The following PILRB variants were observed in gnomAD, a reference collection of about 807,000 sequenced individuals.
PILRB encodes the protein paired immunoglobin like type 2 receptor beta.
PILRB carries 21 observed loss-of-function variants against 20.5 expected under a neutral mutation model. The ratio of observed to expected loss-of-function variants is 1.02; its 90% CI spans 0.72 to 1.47. PILRB has a LOEUF of 1.47. PILRB is among the 40% of genes most tolerant of loss of function. The probability of loss-of-function intolerance (pLI) is 0.00; values close to 1 mark genes in which losing one functional copy is unlikely to be tolerated. For synonymous variants in PILRB, 133 were observed against 115.1 expected, an observed-to-expected ratio of 1.16 and a Z score of -0.99; for missense variants, 253 against 272.1, an observed-to-expected ratio of 0.93 and a Z score of 0.49.
At chr7:100,360,923 G>A (rs1790506936) in intron 3 of PILRB, among the ~76,000 whole-genome samples, 1 of 151,824 alleles carries the variant, frequency 6.6e-6, no homozygotes, top group African/African-American at 2.4e-5. Context: ...TTCGGAATTT[G>A]TTTTTTTGTT....
chr7:100,359,383 A>AGCCG lies in PILRB; in HGVS notation c.505_508dup (p.Leu170ArgfsTer52). The stretch of plus-strand genomic sequence containing the variant: ...GGAGGCCCAGCAGCACAACCACCAT[A>AGCCG]GCCGGCCTCAGGGTCACAGAAAGCA... On this transcript the variant is annotated frameshift_variant, in exon 3 of 4. Transcript: ENST00000609309. LOFTEE classifies it high-confidence loss of function. The AGCCG allele has an allele frequency of 6.2e-7, 1 of 1,614,092 alleles. No homozygotes were observed. The highest frequency in any genetic ancestry group is 8.5e-7 in the Non-Finnish European group (1 of 1,180,000).
At chr7:100,366,776 G>A (rs1790701729) in intron 3 of PILRB, among the ~76,000 whole-genome samples, 1 of 152,120 alleles carries the variant, frequency 6.6e-6, no homozygotes, top group African/African-American at 2.4e-5. Context: ...AGAGATGGGT[G>A]GGCGAGGGCT....
At chr7:100,359,247 G>A (rs1007967446) in intron 2 of PILRB, 90 bp from the exon 3 acceptor site, 15 of 1,523,264 alleles carry the variant, frequency 9.8e-6, no homozygotes, top group African/African-American at 6.9e-5. Flanking sequence ...CATCCTGAAT[G>A]TCCCCAATCT....
chr7:100,363,090 T>G (rs369848588), intron 3 of PILRB, among the ~76,000 whole-genome samples: 1 of 150,670 alleles, frequency 6.6e-6, no homozygotes, highest in Admixed American at 6.6e-5. Flanking sequence ...GGCTATGAGT[T>G]TGAGACCACC....
Position 100,358,850 on chromosome 7 carries a change from C to G in PILRB, c.225C>G (p.His75Gln). 6.2e-7 allele frequency: 1 copy of G among 1,614,188 alleles called. No homozygotes were observed. The highest frequency in any genetic ancestry group is 8.5e-7 in the Non-Finnish European group (1 of 1,180,032). The change falls in exon 2 of 4, where the codon CAC (histidine) becomes CAG (glutamine). Residue 75 changes from histidine to glutamine, a missense_variant. Coordinates refer to ENST00000609309, the MANE Select transcript of PILRB (RefSeq NM_178238.4). ...PNVRISWRRG[H>Q]FHGQSFYSTR... ...TGAGAATATCCTGGAGACGGGGCCA[C>G]TTCCACGGGCAGTCCTTCTACAGCA...
intron 3 of PILRB, among the ~76,000 whole-genome samples, chr7:100,361,537 C>T (rs1265549741): frequency 2.6e-5 from 4 of 151,994 alleles, no homozygotes; most frequent in African/African-American, 9.7e-5. Flanking sequence ...ATTAAAAACA[C>T]AAAAAATTAG....
chr7:100,367,814 C>T lies in PILRB; in HGVS notation c.*437C>T, dbSNP rs187241403. Reference sequence around the variant, plus strand: ...GCAGAAGGTTTTGGGGAATAAATAGCGTGAAATGCTGCTGACACTTCCCTG... The same window carrying T: ...GCAGAAGGTTTTGGGGAATAAATAGTGTGAAATGCTGCTGACACTTCCCTG... On this transcript the variant is annotated 3_prime_UTR_variant, in exon 4 of 4. Coordinates refer to ENST00000609309, the MANE Select transcript of PILRB (RefSeq NM_178238.4). The T allele has an allele frequency of 1.2e-5, 2 of 166,944 alleles. No individual in the cohort carries two copies. The highest frequency in any genetic ancestry group is 2.4e-5 in the African/African-American group (1 of 41,912). The allele number at this position is 166,944 out of a possible 1,614,324, so 10.3% of individuals were successfully genotyped here.
At chr7:100,365,868 A>C (rs1441812931) in intron 3 of PILRB, among the ~76,000 whole-genome samples, 2 of 151,516 alleles carry the variant, frequency 1.3e-5, no homozygotes, top group Non-Finnish European at 2.9e-5. Context: ...TGTTCTGGAG[A>C]TCTGTCTCAC....
At chr7:100,363,132 T>TAAA (rs771904107) in intron 3 of PILRB, among the ~76,000 whole-genome samples, 6 of 85,028 alleles carry the variant, frequency 7.1e-5, no homozygotes, top group Non-Finnish European at 1.2e-4. Context: ...CATCTCTACT[T>TAAA]AAAAAAAAAA....
intron 2 of PILRB, 122 bp downstream of exon 2, chr7:100,359,201 C>A: frequency 6.7e-7 from 1 of 1,502,328 alleles, no homozygotes; most frequent in Non-Finnish European, 9.2e-7. Context: ...CACCTTGCTA[C>A]CCCTTCCATG....
At chr7:100,358,630 C>T (rs1790432339) in intron 1 of PILRB, 60 bp from the exon 2 acceptor site, 1 of 1,583,678 alleles carries the variant, frequency 6.3e-7, no homozygotes, top group African/African-American at 1.3e-5. Context: ...TGGGGTCACC[C>T]TCTTTGTGTC....
At position 100,359,496 on chromosome 7, in the gene PILRB, G is replaced by T; in HGVS notation, c.614G>T (p.Gly205Val). Residue 205 changes from glycine (G) to valine (V), a missense_variant, in exon 3 of 4, where the codon GGA becomes GTA. Gly to Val is a moderately radical substitution (Grantham distance 109). Coordinates refer to ENST00000609309, the MANE Select transcript of PILRB (RefSeq NM_178238.4). The part of the protein sequence containing the change: ...AVAVLKTVIL[G>V]LLCLLLLWWR... ...GCTGTGCTCAAAACTGTCATTTTGG[G>T]ACTGCTGTGCCTCCTCCTCCTGTGG... 2.5e-6 allele frequency: 4 copies of T among 1,611,488 alleles called. No homozygotes were observed. The highest frequency in any genetic ancestry group is 3.4e-6 in the Non-Finnish European group (4 of 1,178,702).
At chr7:100,363,399 G>A (rs1247164309) in intron 3 of PILRB, among the ~76,000 whole-genome samples, 1 of 152,032 alleles carries the variant, frequency 6.6e-6, no homozygotes, top group South Asian at 2.1e-4. Context: ...AATCTGAAAA[G>A]AAAATTAAGA....
Position 100,358,842 on chromosome 7 carries a change from C to T in PILRB, c.217C>T (p.Arg73Trp), listed in dbSNP as rs189717427. 26 of 1,614,000 alleles carry T rather than the reference C, an allele frequency of 1.6e-5. No homozygotes were observed. The highest frequency in any genetic ancestry group is 1.0e-4 in the Admixed American group (6 of 59,980). The change falls in exon 2 of 4, where the codon CGG (arginine) becomes TGG (tryptophan). Residue 73 changes from arginine to tryptophan, a missense_variant. By Grantham distance (101) the Arg-to-Trp change is moderately radical (BLOSUM62 -3). Transcript: ENST00000609309. ...TCCCAACGTGAGAATATCCTGGAGA[C>T]GGGGCCACTTCCACGGGCAGTCCTT... ...IVPNVRISWR[R>W]GHFHGQSFYS...
At chr7:100,366,695 C>T (rs888373419) in intron 3 of PILRB, among the ~76,000 whole-genome samples, 1 of 151,854 alleles carries the variant, frequency 6.6e-6, no homozygotes, top group Admixed American at 6.6e-5. Context: ...AAGGAAACCA[C>T]AGGCGCGGTC....
intron 2 of PILRB, 78 bp downstream of exon 2, chr7:100,359,157 A>T: frequency 1.9e-6 from 3 of 1,583,568 alleles, no homozygotes; most frequent in East Asian, 4.5e-5. Flanking sequence ...TCACATTTAA[A>T]CCCAGTGGTC....
chr7:100,365,758 C>T (rs569827881), intron 3 of PILRB, among the ~76,000 whole-genome samples: 1 of 152,154 alleles, frequency 6.6e-6, no homozygotes, highest in East Asian at 1.9e-4. Context: ...ATGGAGGTTG[C>T]AGTGAGCTGA....
At chr7:100,362,461 A>G (rs1209710353) in intron 3 of PILRB, among the ~76,000 whole-genome samples, 1 of 152,136 alleles carries the variant, frequency 6.6e-6, no homozygotes, top group Non-Finnish European at 1.5e-5. Context: ...CAAAACCCAC[A>G]TGATCATCTC....
chr7:100,363,298 C>T (rs1790585256), intron 3 of PILRB, among the ~76,000 whole-genome samples: 1 of 152,070 alleles, frequency 6.6e-6, no homozygotes, highest in Admixed American at 6.6e-5. Flanking sequence ...CACAAAATTA[C>T]CTGTTGAATG....
Sources: allele counts gnomAD v4.1 joint callset (sites outside exome capture counted in the v4.1 genomes callset), GRCh38; gene constraint gnomAD v4.1.1; transcripts MANE v1.5; gene names NCBI Gene and HGNC (gene_info 2026-07-23, HGNC 2026-07-21).